EPB41L2: variants seen among roughly 807,000 people sequenced by gnomAD.
The protein encoded by EPB41L2 is band 4.1-like protein 2.
A neutral mutation model predicts 113.0 loss-of-function variants in EPB41L2; 43 were observed. The observed-to-expected ratio is 0.38, with a 90% confidence interval of 0.30 to 0.49. The LOEUF is 0.49. Ranked by LOEUF, EPB41L2 falls within the 20% of genes least tolerant of loss-of-function variation. The pLI, the probability that EPB41L2 is intolerant of heterozygous loss-of-function variation, is 0.95. For missense variants in EPB41L2, 1,147 were observed against 1,223.4 expected, an observed-to-expected ratio of 0.94 and a Z score of 0.93; for synonymous variants, 442 against 436.7, an observed-to-expected ratio of 1.01 and a Z score of -0.15.
intron 5 of EPB41L2, among the ~76,000 whole-genome samples, chr6:130,906,186 T>A (rs527877540): frequency 8.5e-5 from 13 of 152,284 alleles, no homozygotes; most frequent in African/African-American, 3.1e-4. Context: ...AATGGCTCCT[T>A]GTTTGTTTTC....
chr6:130,904,911 C>G (rs1797274588), intron 5 of EPB41L2, among the ~76,000 whole-genome samples: 1 of 106,884 alleles, frequency 9.4e-6, no homozygotes, highest in Non-Finnish European at 1.8e-5. Context: ...CAAATATTCT[C>G]CACCCTTTTT....
chr6:130,962,309 G>A (rs919197436), intron 1 of EPB41L2, among the ~76,000 whole-genome samples: 2 of 152,008 alleles, frequency 1.3e-5, no homozygotes, highest in African/African-American at 4.8e-5. Flanking sequence ...GTGGGAAGGG[G>A]AACAAGGAAG....
rs777664555 is a variant in EPB41L2 at position 130,878,176 on chromosome 6, T to G, written c.1971A>C (p.Glu657Asp). Reference protein sequence around the residue: ...SISELKRNFMESTPEPRPNEW... With the variant: ...SISELKRNFMDSTPEPRPNEW... ...CATTAGGGCGCGGCTCAGGTGTGGA[T>G]TCCATAAAATTGCGCTTGAGTTCAC... The change falls in exon 14 of 20, where the codon GAA (glutamate) becomes GAC (aspartate). Residue 657 changes from glutamate to aspartate, a missense_variant. Coordinates refer to ENST00000337057, the MANE Select transcript of EPB41L2 (RefSeq NM_001431.4). 2.5e-6 allele frequency: 4 copies of G among 1,613,562 alleles called. No homozygotes were observed.
At chr6:130,982,942 T>G (rs1779708833) in intron 1 of EPB41L2, among the ~76,000 whole-genome samples, 1 of 152,244 alleles carries the variant, frequency 6.6e-6, no homozygotes, top group African/African-American at 2.4e-5. Context: ...ATTTGGATTC[T>G]GGCTCAACCG....
chr6:130,941,781 G>A (rs1007367836), intron 3 of EPB41L2, among the ~76,000 whole-genome samples: 1 of 152,164 alleles, frequency 6.6e-6, no homozygotes. Flanking sequence ...TGCAAATGAA[G>A]TACACTTATG....
intron 4 of EPB41L2, among the ~76,000 whole-genome samples, chr6:130,910,347 C>T (rs1399955770): frequency 6.6e-6 from 1 of 152,136 alleles, no homozygotes; most frequent in Non-Finnish European, 1.5e-5. Context: ...TGAAACTGGA[C>T]TCCTTCCTTA....
At chr6:130,937,900 T>C (rs1238824738) in intron 3 of EPB41L2, among the ~76,000 whole-genome samples, 5 of 152,054 alleles carry the variant, frequency 3.3e-5, no homozygotes, top group Admixed American at 3.3e-4. Flanking sequence ...TATTTGAGTC[T>C]ACCTTTGTGA....
At chr6:130,877,530 G>A (rs540086022) in intron 14 of EPB41L2, among the ~76,000 whole-genome samples, 2 of 152,254 alleles carry the variant, frequency 1.3e-5, no homozygotes, top group African/African-American at 4.8e-5. Context: ...TAGAGTAAGT[G>A]AGGAGAAATG....
chr6:130,897,814 AC>A (rs1413400279), intron 8 of EPB41L2, among the ~76,000 whole-genome samples: 1 of 152,222 alleles, frequency 6.6e-6, no homozygotes, highest in African/African-American at 2.4e-5. Context: ...ATTTAACAAT[AC>A]ATGGCTTTAA....
chr6:130,974,507 T>G (rs1777675481), intron 1 of EPB41L2, among the ~76,000 whole-genome samples: 1 of 152,078 alleles, frequency 6.6e-6, no homozygotes, highest in Non-Finnish European at 1.5e-5. Context: ...TTGGGAGAAT[T>G]CAGAGAGAAT....
chr6:130,935,318 T>A (rs2128572298), intron 3 of EPB41L2, among the ~76,000 whole-genome samples: 1 of 152,298 alleles, frequency 6.6e-6, no homozygotes, highest in Non-Finnish European at 1.5e-5. Flanking sequence ...TACTTGCCCT[T>A]CTTACTTGTT....
intron 1 of EPB41L2, among the ~76,000 whole-genome samples, chr6:131,052,639 T>G (rs1796793763): frequency 6.6e-6 from 1 of 152,112 alleles, no homozygotes; most frequent in Non-Finnish European, 1.5e-5. Flanking sequence ...TCAAAGCACT[T>G]TACATGACTT....
chr6:130,856,325 A>G (rs963505158), intron 19 of EPB41L2, among the ~76,000 whole-genome samples: 1 of 152,228 alleles, frequency 6.6e-6, no homozygotes, highest in African/African-American at 2.4e-5. Flanking sequence ...TAAAATTGAC[A>G]AAGGATCAGT....
intron 8 of EPB41L2, among the ~76,000 whole-genome samples, chr6:130,896,839 C>T (rs898980046): frequency 6.6e-6 from 1 of 152,134 alleles, no homozygotes; most frequent in Non-Finnish European, 1.5e-5. Context: ...TGGGGCAATG[C>T]ATGGAGATGG....
chr6:130,918,129 T>C (rs1801706245), intron 4 of EPB41L2, among the ~76,000 whole-genome samples: 2 of 152,140 alleles, frequency 1.3e-5, no homozygotes, highest in South Asian at 4.1e-4. Context: ...TCTGGGAGAA[T>C]GTGGGATTAT....
intron 4 of EPB41L2, among the ~76,000 whole-genome samples, chr6:130,914,791 T>G (rs1800431006): frequency 6.6e-6 from 1 of 152,176 alleles, no homozygotes; most frequent in African/African-American, 2.4e-5. Context: ...TGCCAACTAC[T>G]TAAGAGCAGG....
intron 6 of EPB41L2, 111 bp downstream of exon 6, chr6:130,904,354 A>T: frequency 3.1e-6 from 2 of 646,672 alleles, no homozygotes; most frequent in Non-Finnish European, 5.0e-6. Context: ...TCTAAAACTT[A>T]AGAAAAACTG....
intron 4 of EPB41L2, among the ~76,000 whole-genome samples, chr6:130,924,363 G>A (rs1442377213): frequency 2.0e-5 from 3 of 150,540 alleles, no homozygotes; most frequent in Non-Finnish European, 4.4e-5. Context: ...CTCAGAAGTG[G>A]GACTGCTAGA....
chr6:130,986,634 G>A (rs1004679095), intron 1 of EPB41L2, among the ~76,000 whole-genome samples: 2 of 150,570 alleles, frequency 1.3e-5, no homozygotes, highest in Non-Finnish European at 3.0e-5. Flanking sequence ...CCAGGAGGCT[G>A]GAGTGCAGTG....
Sources: gnomAD v4.1 joint callset for allele counts (sites outside exome capture counted in the v4.1 genomes callset) on GRCh38, gnomAD v4.1.1 for gene constraint, MANE v1.5 for transcripts, NCBI Gene and HGNC (gene_info 2026-07-23, HGNC 2026-07-21) for gene names.